The following MARF1 variants were observed in gnomAD, a reference collection of about 807,000 sequenced individuals.
The protein encoded by MARF1 is limkain-b1.
A neutral mutation model predicts 168.2 loss-of-function variants in MARF1; 24 were observed. The ratio of observed to expected loss-of-function variants is 0.14; its 90% CI spans 0.10 to 0.20. MARF1 has a LOEUF of 0.20. Among genes scored for constraint, MARF1 ranks in the 10% least tolerant of loss-of-function variants. The pLI is 1.00. For missense variants in MARF1, 1,744 were observed against 2,143.6 expected, an observed-to-expected ratio of 0.81 and a Z score of 3.68; for synonymous variants, 868 against 822.4, an observed-to-expected ratio of 1.06 and a Z score of -0.95.
At chr16:15,598,807 G>C in intron 26 of MARF1, 47 bp downstream of exon 26, 1 of 1,582,170 alleles carries the variant, frequency 6.3e-7, no homozygotes. Flanking sequence ...TCGTGGTTTT[G>C]TTTTAAACCC....
rs544005839 is a variant in MARF1 at position 15,618,042 on chromosome 16, G to A, written c.2721-507C>T. ...CTTAAAGGCACTGGCCCTGGAGGCTGGCAGATTTGAGTTCACATCCTGACT... is the reference window on the plus strand; with the variant it reads ...CTTAAAGGCACTGGCCCTGGAGGCTAGCAGATTTGAGTTCACATCCTGACT... On this transcript the variant is annotated intron_variant, in intron 13 of 26. Coordinates refer to ENST00000396368, the MANE Select transcript of MARF1 (RefSeq NM_014647.4). 2.6e-5 allele frequency among the ~76,000 whole-genome samples: 4 copies of A among 152,212 alleles called. No individual in the cohort carries two copies. The South Asian group carries it at 8.3e-4, about 32-fold the overall frequency.
chr16:15,610,725 G>A (rs1267926692), intron 19 of MARF1, among the ~76,000 whole-genome samples: 3 of 152,206 alleles, frequency 2.0e-5, no homozygotes, highest in Non-Finnish European at 4.4e-5. Context: ...AGGCATTTGA[G>A]CAAAGTGCTG....
rs767603294 is a variant in MARF1, at chr16:15,625,071, C to G, written c.2056G>C (p.Val686Leu). 6.2e-7 allele frequency: 1 copy of G among 1,614,198 alleles called. No individual in the cohort carries two copies. Among genetic ancestry groups the G allele is most frequent in the East Asian group, 2.2e-5 (1 of 44,888 alleles). Residue 686 changes from valine to leucine, a missense_variant, in exon 9 of 27, where the codon GTG becomes CTG. Around this residue, in one of 7 missense-constraint regions of MARF1, gnomAD observed 270 missense variants for 260.6 expected, o/e 1.04. Transcript: ENST00000396368. ...VPTHGNSSAA[V>L]STPKNSGVAE... ...ACCCCCGAGTTTTTCGGCGTCGACA[C>G]TGCAGCACTTGAGTTACCGTGAGTG...
intron 12 of MARF1, 71 bp from the exon 13 acceptor site, chr16:15,620,602 T>G: frequency 9.9e-7 from 1 of 1,008,530 alleles, no homozygotes; most frequent in Non-Finnish European, 1.5e-6. Context: ...ACAGAGTTCA[T>G]AAAATTAACC....
chr16:15,614,782 G>C (rs2033911279), intron 16 of MARF1, among the ~76,000 whole-genome samples: 1 of 151,334 alleles, frequency 6.6e-6, no homozygotes, highest in Non-Finnish European at 1.5e-5. Flanking sequence ...AACAGAGCAA[G>C]ACTCCGTCTC....
rs376068917 is a variant in MARF1 at position 15,596,793 on chromosome 16, A to C, written c.5129T>G (p.Leu1710Arg). The C allele has an allele frequency of 6.2e-7, 1 of 1,614,102 alleles. No homozygotes were observed. The highest frequency in any genetic ancestry group is 1.1e-5 in the South Asian group (1 of 91,076). ...PCPSSETSES[L>R]LSKDPVESPA... Reference sequence around the variant, plus strand: ...GCTTTCCACGGGGTCCTTGCTGAGCAGTGACTCGGAGGTTTCCGAGGAGGG... The same window carrying C: ...GCTTTCCACGGGGTCCTTGCTGAGCCGTGACTCGGAGGTTTCCGAGGAGGG... The change falls in exon 27 of 27, where the codon CTG (leucine) becomes CGG (arginine). Residue 1710 changes from leucine (L) to arginine (R), a missense_variant. Coordinates refer to ENST00000396368, the MANE Select transcript of MARF1 (RefSeq NM_014647.4).
chr16:15,628,791 T>G (rs1304989628), intron 7 of MARF1, among the ~76,000 whole-genome samples: 1 of 152,114 alleles, frequency 6.6e-6, no homozygotes, highest in African/African-American at 2.4e-5. Flanking sequence ...AAATCTACAC[T>G]TTTCCTATTA....
chr16:15,615,714 TC>T, intron 16 of MARF1, 115 bp downstream of exon 16: 1 of 658,406 alleles, frequency 1.5e-6, no homozygotes, highest in Non-Finnish European at 2.3e-6. Context: ...AAAGGACACA[TC>T]CATGGTGTTT....
intron 21 of MARF1, among the ~76,000 whole-genome samples, chr16:15,607,139 T>G (rs1185922484): frequency 6.6e-6 from 1 of 152,152 alleles, no homozygotes; most frequent in Admixed American, 6.5e-5. Context: ...GCTCTCCTGG[T>G]TGTGCTTCCT....
chr16:15,632,312 G>A (rs1369398882), intron 5 of MARF1, among the ~76,000 whole-genome samples: 4 of 152,192 alleles, frequency 2.6e-5, no homozygotes, highest in Non-Finnish European at 5.9e-5. Flanking sequence ...TGTGTTTTAT[G>A]TCAACTGTCC....
chr16:15,627,517 C>T (rs891245976), intron 7 of MARF1, among the ~76,000 whole-genome samples: 2 of 152,148 alleles, frequency 1.3e-5, no homozygotes, highest in Non-Finnish European at 2.9e-5. Context: ...ACTCGGGAGG[C>T]TGAGGAAGGA....
chr16:15,642,850 C>CT (rs1567603077), intron 1 of MARF1, among the ~76,000 whole-genome samples, 168 bp downstream of exon 1: 1 of 152,212 alleles, frequency 6.6e-6, no homozygotes, highest in African/African-American at 2.4e-5. Context: ...CAAGCCAACT[C>CT]TTTCGTGGGG....
At chr16:15,614,078 A>C (rs1404873403) in intron 16 of MARF1, among the ~76,000 whole-genome samples, 1 of 152,212 alleles carries the variant, frequency 6.6e-6, no homozygotes, top group Non-Finnish European at 1.5e-5. Flanking sequence ...GGTCTTTTAA[A>C]TTTATTTTCA....
chr16:15,611,940 G>T (rs920914332), intron 17 of MARF1, among the ~76,000 whole-genome samples: 15 of 152,150 alleles, frequency 9.9e-5, no homozygotes, highest in Non-Finnish European at 1.5e-4. Flanking sequence ...ATCGTTTTTG[G>T]CCTGGCACAC....
rs2035591150 is a variant in MARF1 at position 15,636,250 on chromosome 16, T to C, written c.237A>G (p.Pro79=). The stretch of plus-strand genomic sequence containing the variant: ...GCTGAAGAGAACGAATATCAGGAAG[T>C]GGGACTGCTGGAAAAAGCTTAGAGC... The part of the protein sequence containing the change: ...HAGSKLFPAV[P]LPDIRSLQQP... The change falls in exon 3 of 27, where the codon CCA becomes CCG. Residue 79 remains proline, a synonymous_variant. Coordinates refer to ENST00000396368, the MANE Select transcript of MARF1 (RefSeq NM_014647.4). 8.7e-6 allele frequency: 14 copies of C among 1,614,044 alleles called. No individual in the cohort carries two copies. The highest frequency in any genetic ancestry group is 1.2e-5 in the Non-Finnish European group (14 of 1,179,972).
In MARF1 at chr16:15,623,087, C is replaced by A. The variant is rs921170304; in HGVS notation, c.2307G>T (p.Pro769=). The change falls in exon 11 of 27, where the codon CCG becomes CCT. Residue 769 remains proline (P), a synonymous_variant. Transcript: ENST00000396368. ...TCGAATTTGCAATGTTGAAAGCAAG[C>A]GGGGATGCTCTGTTTAAAAGGTTTG... ...MSPNLLNRAS[P]LAFNIANSSS... 2 of 1,606,674 alleles carry A rather than the reference C, an allele frequency of 1.2e-6. No individual in the cohort carries two copies. The highest frequency in any genetic ancestry group is 1.1e-5 in the South Asian group (1 of 90,758).
In MARF1 at chr16:15,635,803, A is replaced by G; in HGVS notation, c.684T>C (p.Asp228=). ...AATGCCCTGGAGCCCCGCTTGTGAAATCAGAACAGGGGAAATAGCCAGCGG... is the reference window on the plus strand; with the variant it reads ...AATGCCCTGGAGCCCCGCTTGTGAAGTCAGAACAGGGGAAATAGCCAGCGG... ...CTSAGYFPCS[D]FTSGAPGHLE... The change falls in exon 3 of 27, where the codon GAT becomes GAC. Residue 228 remains aspartate (D), a synonymous_variant. Coordinates refer to ENST00000396368, the MANE Select transcript of MARF1 (RefSeq NM_014647.4). 1 of 1,614,216 alleles carries G rather than the reference A, an allele frequency of 6.2e-7. No individual in the cohort carries two copies. The highest frequency in any genetic ancestry group is 8.5e-7 in the Non-Finnish European group (1 of 1,180,034).
chr16:15,611,059 T>A lies in MARF1; in HGVS notation c.3667A>T (p.Ile1223Phe). ...DVTEYGVCEL[I>F]DIVSEIPDTT... ...TCTGGAATCTCTGATACGATGTCAATCAACTCACAAACACCATATTCAGTG... is the reference window on the plus strand; with the variant it reads ...TCTGGAATCTCTGATACGATGTCAAACAACTCACAAACACCATATTCAGTG... The change falls in exon 19 of 27, where the codon ATT (isoleucine) becomes TTT (phenylalanine). Residue 1223 changes from isoleucine (I) to phenylalanine (F), a missense_variant. By Grantham distance (21) the Ile-to-Phe change is conservative (BLOSUM62 0). Transcript: ENST00000396368. 6.2e-7 allele frequency: 1 copy of A among 1,613,832 alleles called. No homozygotes were observed. The highest frequency in any genetic ancestry group is 8.5e-7 in the Non-Finnish European group (1 of 1,179,742).
intron 16 of MARF1, among the ~76,000 whole-genome samples, chr16:15,614,787 C>T (rs973145394): frequency 6.6e-5 from 10 of 150,838 alleles, no homozygotes; most frequent in African/African-American, 1.5e-4. Flanking sequence ...AGCAAGACTC[C>T]GTCTCAAAAA....
Sources: gnomAD v4.1 joint callset for allele counts (sites outside exome capture counted in the v4.1 genomes callset) on GRCh38, gnomAD v4.1.1 for gene constraint, gnomAD v4.1.1 regional missense constraint, MANE v1.5 for transcripts, NCBI Gene and HGNC (gene_info 2026-07-23, HGNC 2026-07-21) for gene names.